SCN2A: variants seen among roughly 807,000 people sequenced by gnomAD.
The protein encoded by SCN2A is sodium channel protein type 2 subunit alpha.
In SCN2A, 20 loss-of-function variants were observed where a neutral mutation model predicts 188.7. The ratio of observed to expected loss-of-function variants is 0.11; its 90% CI spans 0.07 to 0.15. The LOEUF (loss-of-function observed/expected upper bound fraction) is 0.15, where lower values mean the gene tolerates loss of function less well. Ranked by LOEUF, SCN2A falls within the 10% of genes least tolerant of loss-of-function variation. The pLI is 1.00. For missense variants in SCN2A, 1,278 were observed against 2,445.0 expected, an observed-to-expected ratio of 0.52 and a Z score of 10.07; for synonymous variants, 804 against 833.1, an observed-to-expected ratio of 0.97 and a Z score of 0.60.
intron 1 of SCN2A, among the ~76,000 whole-genome samples, chr2:165,291,013 G>A (rs924312823): frequency 2.6e-5 from 3 of 116,698 alleles, no homozygotes; most frequent in Non-Finnish European, 5.6e-5. Context: ...ATTTCCTGGT[G>A]TTTTTTTCTT....
At chr2:165,316,937 C>G (rs1280023776) in intron 11 of SCN2A, among the ~76,000 whole-genome samples, 1 of 151,980 alleles carries the variant, frequency 6.6e-6, no homozygotes, top group East Asian at 1.9e-4. Flanking sequence ...CAAATTTTGC[C>G]TGGTACTGAA....
chr2:165,247,660 G>A (rs920463203), intron 1 of SCN2A, among the ~76,000 whole-genome samples: 1 of 152,108 alleles, frequency 6.6e-6, no homozygotes, highest in African/African-American at 2.4e-5. Context: ...TTATTTGGGT[G>A]TCCCTGATTC....
At chr2:165,332,337 G>A (rs1020498499) in intron 14 of SCN2A, among the ~76,000 whole-genome samples, 3 of 151,790 alleles carry the variant, frequency 2.0e-5, no homozygotes, top group East Asian at 1.9e-4. Flanking sequence ...CTATATTTTC[G>A]AATTATATTT....
chr2:165,359,105 A>G (rs575974637), intron 17 of SCN2A, among the ~76,000 whole-genome samples: 11 of 152,240 alleles, frequency 7.2e-5, no homozygotes, highest in Non-Finnish European at 7.4e-5. Context: ...TTCCTGGAGC[A>G]TTCTTTTATA....
At chr2:165,297,712 A>C (rs1696586037) in intron 3 of SCN2A, among the ~76,000 whole-genome samples, 1 of 152,098 alleles carries the variant, frequency 6.6e-6, no homozygotes, top group Non-Finnish European at 1.5e-5. Context: ...TTTGCTTTCT[A>C]TTCTTTTCCT....
At chr2:165,324,469 AT>A (rs1380919760) in intron 12 of SCN2A, among the ~76,000 whole-genome samples, 1 of 152,082 alleles carries the variant, frequency 6.6e-6, no homozygotes, top group Non-Finnish European at 1.5e-5. Context: ...TCTTCTTCAC[AT>A]TTTTTGCATG....
At chr2:165,265,799 T>G (rs1694833512) in intron 1 of SCN2A, among the ~76,000 whole-genome samples, 1 of 151,334 alleles carries the variant, frequency 6.6e-6, no homozygotes, top group African/African-American at 2.4e-5. Flanking sequence ...TTATACTTTT[T>G]TTCCTTCTTC....
chr2:165,379,782 G>A (rs1356548689), intron 23 of SCN2A, among the ~76,000 whole-genome samples: 2 of 151,632 alleles, frequency 1.3e-5, no homozygotes, highest in Non-Finnish European at 3.0e-5. Context: ...TCATAACACA[G>A]TGGGTTATAA....
intron 1 of SCN2A, among the ~76,000 whole-genome samples, chr2:165,263,322 A>G (rs564331322): frequency 6.6e-6 from 1 of 151,998 alleles, no homozygotes; most frequent in Non-Finnish European, 1.5e-5. Flanking sequence ...GCCAATGTCT[A>G]GAAGGGTTTT....
chr2:165,349,462 A>G (rs1287939162), intron 16 of SCN2A, among the ~76,000 whole-genome samples: 1 of 152,154 alleles, frequency 6.6e-6, no homozygotes. Context: ...AGCCCACCAC[A>G]TGTTATCTAT....
chr2:165,342,225 A>G, intron 14 of SCN2A, 71 bp from the exon 15 acceptor site: 1 of 1,433,190 alleles, frequency 7.0e-7, no homozygotes, highest in South Asian at 1.2e-5. Flanking sequence ...TTGGGAGTAA[A>G]TTAAGTTGCT....
intron 14 of SCN2A, among the ~76,000 whole-genome samples, chr2:165,333,920 G>A (rs201851597): frequency 2.0e-5 from 3 of 150,674 alleles, no homozygotes; most frequent in Admixed American, 6.6e-5. Flanking sequence ...ATTAGAAGTA[G>A]GAATGAAGAG....
intron 1 of SCN2A, among the ~76,000 whole-genome samples, chr2:165,282,725 A>G (rs960032881): frequency 3.3e-5 from 5 of 152,134 alleles, no homozygotes; most frequent in African/African-American, 1.2e-4. Flanking sequence ...TGGGGCCTCA[A>G]CATTATCAGT....
At chr2:165,291,575 T>TTCTCTC (rs762280674) in intron 1 of SCN2A, among the ~76,000 whole-genome samples, 1 of 70,552 alleles carries the variant, frequency 1.4e-5, no homozygotes, top group African/African-American at 4.6e-5. Flanking sequence ...CTTCCTTCCT[T>TTCTCTC]TCTCTCTCTC....
Position 165,380,938 on chromosome 2 carries a change from G to A in SCN2A, c.4447-155G>A. The A allele has an allele frequency of 4.4e-6, 3 of 681,338 alleles. No homozygotes were observed. The East Asian group carries it at 8.2e-5, about 19-fold the overall frequency. 42.2% of individuals were successfully genotyped at this position (681,338 alleles called of 1,614,324 possible). Reference sequence around the variant, plus strand: ...TTAGTCTAGAAATATGACTAATATGGCATAATTTATATATTGAATAAAGGC... The same window carrying A: ...TTAGTCTAGAAATATGACTAATATGACATAATTTATATATTGAATAAAGGC... On this transcript the variant is annotated intron_variant, in intron 24 of 26. Coordinates refer to ENST00000375437, the MANE Select transcript of SCN2A (RefSeq NM_001040142.2).
chr2:165,284,939 A>G (rs1695764873), intron 1 of SCN2A, among the ~76,000 whole-genome samples: 1 of 152,198 alleles, frequency 6.6e-6, no homozygotes. Flanking sequence ...ACGTTGCAGC[A>G]ATGTATTGCC....
chr2:165,277,122 C>T (rs353116), intron 1 of SCN2A, among the ~76,000 whole-genome samples: 60,410 of 151,866 alleles, frequency 0.4, 12,426 homozygotes, highest in East Asian at 0.58. Context: ...TAATGTAATG[C>T]CTGGTGTTTT....
intron 1 of SCN2A, among the ~76,000 whole-genome samples, chr2:165,279,848 G>A (rs1267910599): frequency 2.0e-5 from 3 of 152,146 alleles, no homozygotes; most frequent in Admixed American, 6.5e-5. Flanking sequence ...GGACCCAGTG[G>A]GAGGTAACTG....
intron 17 of SCN2A, among the ~76,000 whole-genome samples, chr2:165,364,250 G>A (rs1394674706): frequency 6.6e-6 from 1 of 152,070 alleles, no homozygotes; most frequent in Non-Finnish European, 1.5e-5. Flanking sequence ...TGATTCCTGT[G>A]TGGCACTCAC....
Sources: gnomAD v4.1 joint callset for allele counts (sites outside exome capture counted in the v4.1 genomes callset) on GRCh38, gnomAD v4.1.1 for gene constraint, MANE v1.5 for transcripts, NCBI Gene and HGNC (gene_info 2026-07-23, HGNC 2026-07-21) for gene names.